SDK1: variants seen among roughly 807,000 people sequenced by gnomAD.
SDK1 encodes the protein protein sidekick-1.
A neutral mutation model predicts 245.5 loss-of-function variants in SDK1; 157 were observed. That is an observed-to-expected ratio of 0.64 (90% CI 0.56 to 0.73). The LOEUF (loss-of-function observed/expected upper bound fraction) is 0.73, where lower values mean the gene tolerates loss of function less well. SDK1 is among the 30% of genes least tolerant of loss of function. The pLI is 0.00. For missense variants in SDK1, 3,583 were observed against 3,002.3 expected (o/e 1.19, Z -4.52); for synonymous variants, 1,647 against 1,278.5 (o/e 1.29, Z -6.15).
At chr7:3,652,367 C>T (rs1428005027) in intron 4 of SDK1, among the ~76,000 whole-genome samples, 2 of 152,180 alleles carry the variant, frequency 1.3e-5, no homozygotes, top group Non-Finnish European at 2.9e-5. Flanking sequence ...GTGACCTGGA[C>T]ATGCACAGAC....
At chr7:3,790,753 C>G (rs1388605164) in intron 4 of SDK1, among the ~76,000 whole-genome samples, 1 of 152,158 alleles carries the variant, frequency 6.6e-6, no homozygotes, top group African/African-American at 2.4e-5. Context: ...TTACAGTGAG[C>G]TGAGATCATG....
chr7:3,347,374 T>G (rs1380647375), intron 1 of SDK1, among the ~76,000 whole-genome samples: 1 of 152,202 alleles, frequency 6.6e-6, no homozygotes, highest in Non-Finnish European at 1.5e-5. Context: ...GGATACCAGT[T>G]GGAGATCTGG....
In SDK1 at chr7:4,151,211, T is replaced by C. The variant is rs185520711; in HGVS notation, c.4625+1748T>C. 8.8e-3 allele frequency among the ~76,000 whole-genome samples: 1,343 copies of C among 152,170 alleles called. 16 individuals are homozygous for C. Among genetic ancestry groups the C allele is most frequent in the Non-Finnish European group, 9.2e-3 (627 of 67,976 alleles). ...CCATGCTGCGGCTCCCAGGCCCCCA[T>C]TGGAGACCACAGACCAGCAAGGAAG... is the stretch of plus-strand genomic sequence containing the variant. On this transcript the variant is annotated intron_variant, in intron 30 of 44. Transcript: ENST00000404826.
chr7:3,321,392 C>T (rs1158788507), intron 1 of SDK1, among the ~76,000 whole-genome samples: 3 of 152,082 alleles, frequency 2.0e-5, no homozygotes, highest in Non-Finnish European at 4.4e-5. Flanking sequence ...CGAACTTTGT[C>T]CTGTTGTACT....
chr7:3,962,610 C>T (rs376575205), intron 8 of SDK1, 47 bp from the exon 9 acceptor site: 24 of 1,453,280 alleles, frequency 1.7e-5, no homozygotes, highest in African/African-American at 2.8e-5. Context: ...TCAGTTCTCA[C>T]GTCAGGAATT....
At chr7:3,916,275 T>C (rs138841740) in intron 5 of SDK1, among the ~76,000 whole-genome samples, 22 of 151,890 alleles carry the variant, frequency 1.4e-4, no homozygotes, top group African/African-American at 4.8e-4. Flanking sequence ...CAATTATGAT[T>C]CTCTCTCTGC....
rs150742342 is a variant in SDK1, at chr7:4,027,033, G to A, written c.2602+9681G>A. On this transcript the variant is annotated intron_variant, in intron 17 of 44. Transcript: ENST00000404826. Reference sequence around the variant, plus strand: ...TGTACATTTGGGATCATGAAAAACGGTGTGTGCTGTTGTGCAGGACGTGAA... The same window carrying A: ...TGTACATTTGGGATCATGAAAAACGATGTGTGCTGTTGTGCAGGACGTGAA... Among the ~76,000 whole-genome samples, 243 of 152,288 alleles carry A rather than the reference G, an allele frequency of 1.6e-3. 1 individual carries two copies. Among genetic ancestry groups the A allele is most frequent in the African/African-American group, 5.6e-3 (232 of 41,554 alleles).
chr7:4,005,071 G>C (rs1440551114), intron 14 of SDK1, among the ~76,000 whole-genome samples: 2 of 125,174 alleles, frequency 1.6e-5, no homozygotes, highest in East Asian at 4.3e-4. Flanking sequence ...TTTTGAGACG[G>C]AGTCTTGCTG....
chr7:4,099,008 C>T (rs537068372), intron 22 of SDK1, among the ~76,000 whole-genome samples: 4 of 151,686 alleles, frequency 2.6e-5, no homozygotes, highest in Admixed American at 1.3e-4. Context: ...ACATGAGAGT[C>T]GTGAGAATTG....
intron 38 of SDK1, among the ~76,000 whole-genome samples, chr7:4,214,071 A>T (rs1038303011): frequency 6.6e-6 from 1 of 152,162 alleles, no homozygotes; most frequent in Non-Finnish European, 1.5e-5. Flanking sequence ...CCTCCCGCAG[A>T]CAGAGAGATT....
At chr7:3,522,965 T>A (rs1415016434) in intron 1 of SDK1, among the ~76,000 whole-genome samples, 2 of 28,640 alleles carry the variant, frequency 7.0e-5, no homozygotes, top group Non-Finnish European at 1.4e-4. Context: ...GGCTCTTAAA[T>A]TTTAATAGTT....
At chr7:4,174,408 C>T in intron 33 of SDK1, 51 bp downstream of exon 33, 1 of 1,584,726 alleles carries the variant, frequency 6.3e-7, no homozygotes, top group Non-Finnish European at 8.7e-7. Context: ...CCCAGGGGAC[C>T]CTTGGTATCT....
chr7:3,321,145 G>A (rs1024529397), intron 1 of SDK1, among the ~76,000 whole-genome samples: 3 of 152,160 alleles, frequency 2.0e-5, no homozygotes, highest in Non-Finnish European at 4.4e-5. Context: ...TTCATCATAC[G>A]TGAAATAAAA....
chr7:3,851,016 A>C (rs1780407328), intron 5 of SDK1, among the ~76,000 whole-genome samples: 1 of 152,240 alleles, frequency 6.6e-6, no homozygotes, highest in African/African-American at 2.4e-5. Flanking sequence ...ACAAAAAAAA[A>C]AGAAGACACC....
chr7:3,344,373 G>A (rs1455902658), intron 1 of SDK1, among the ~76,000 whole-genome samples: 2 of 152,154 alleles, frequency 1.3e-5, no homozygotes, highest in African/African-American at 4.8e-5. Context: ...CTGAAGCTCT[G>A]TACCTAGCTC....
chr7:3,620,374 C>G (rs11763336), intron 2 of SDK1, among the ~76,000 whole-genome samples: 3,930 of 151,910 alleles, frequency 0.026, 97 homozygotes, highest in Non-Finnish European at 0.041. Context: ...GCGATCTTGG[C>G]TCACTGCAAC....
Position 4,268,267 on chromosome 7 carries a change from A to G in SDK1, c.*2883A>G. 1.0e-6 allele frequency: 1 copy of G among 1,002,898 alleles called. No individual in the cohort carries two copies. Among genetic ancestry groups the G allele is most frequent in the Non-Finnish European group, 1.2e-6 (1 of 840,476 alleles). The allele number at this position is 1,002,898 out of a possible 1,614,324, so 62.1% of individuals were successfully genotyped here. A position where few individuals can be genotyped will look rare whatever the true frequency, so the allele number is the denominator to read the frequency against. Reference sequence around the variant, plus strand: ...GGCCAGGAGGCTCCGTCTGAGCCACAGGGATGGGTGTGCAGAGCTCCCTCC... The same window carrying G: ...GGCCAGGAGGCTCCGTCTGAGCCACGGGGATGGGTGTGCAGAGCTCCCTCC... On this transcript the variant is annotated 3_prime_UTR_variant, in exon 45 of 45. Coordinates refer to ENST00000404826, the MANE Select transcript of SDK1 (RefSeq NM_152744.4).
Position 4,127,499 on chromosome 7 carries a change from G to A in SDK1, c.3939+3G>A. On this transcript the variant is annotated splice_donor_region_variant and intron_variant, in intron 26 of 44. Transcript: ENST00000404826. ...ATGGGCTCATACTGGGCTACAAGGT[G>A]TGTGATCACAGGATGACCTCCCTTT... The A allele has an allele frequency of 6.2e-7, 1 of 1,605,192 alleles. No homozygotes were observed. The highest frequency in any genetic ancestry group is 8.5e-7 in the Non-Finnish European group (1 of 1,171,866).
chr7:4,164,003 G>A (rs887662508), intron 32 of SDK1, among the ~76,000 whole-genome samples: 1 of 152,176 alleles, frequency 6.6e-6, no homozygotes, highest in Non-Finnish European at 1.5e-5. Context: ...GGAGGTGTGC[G>A]GGGCTGCGTC....
Sources: gnomAD v4.1 joint callset for allele counts (sites outside exome capture counted in the v4.1 genomes callset) on GRCh38, gnomAD v4.1.1 for gene constraint, MANE v1.5 for transcripts, NCBI Gene and HGNC (gene_info 2026-07-23, HGNC 2026-07-21) for gene names.